SFMBT1: variants seen among roughly 807,000 people sequenced by gnomAD.
SFMBT1 encodes Scm like with four mbt domains 1.
SFMBT1 carries 32 observed loss-of-function variants against 108.7 expected under a neutral mutation model. The ratio of observed to expected loss-of-function variants is 0.29; its 90% confidence interval spans 0.22 to 0.40. The LOEUF (loss-of-function observed/expected upper bound fraction) is 0.40, where lower values mean the gene tolerates loss of function less well. SFMBT1 is among the 10% of genes least tolerant of loss of function. The pLI is 1.00. For synonymous variants in SFMBT1, 348 were observed against 369.5 expected (o/e 0.94, Z 0.67); for missense variants, 816 against 1,059.6 (o/e 0.77, Z 3.19).
chr3:52,984,269 A>C (rs1237109278), intron 1 of SFMBT1, among the ~76,000 whole-genome samples: 1 of 152,170 alleles, frequency 6.6e-6, no homozygotes, highest in East Asian at 1.9e-4. Context: ...TTTCAGGAAA[A>C]TGTTTTCAAT....
At chr3:52,926,219 T>G in intron 9 of SFMBT1, 106 bp from the exon 10 acceptor site, 2 of 909,550 alleles carry the variant, frequency 2.2e-6, no homozygotes, top group Admixed American at 2.7e-5. Flanking sequence ...GATGCTAGTC[T>G]GACAACTTTG....
intron 14 of SFMBT1, 22 bp from the exon 15 acceptor site, chr3:52,913,639 A>T (rs1702267806): frequency 6.2e-7 from 1 of 1,612,378 alleles, no homozygotes; most frequent in Non-Finnish European, 8.5e-7. Context: ...AGAAAAACAA[A>T]TATTCAAAAC....
chr3:52,965,395 T>C lies in SFMBT1; in HGVS notation c.28+3706A>G, dbSNP rs563220326. ...GATAAGCTTAAACCCAAAAAATATA[T>C]ACACCAGACTCAAACTTCCAAAAAC... On this transcript the variant is annotated intron_variant, in intron 2 of 20. Transcript: ENST00000394752. Among the ~76,000 whole-genome samples the C allele has an allele frequency of 4.9e-5, 7 of 142,824 alleles. No homozygotes were observed. The South Asian group carries it at 1.6e-3, about 32-fold the overall frequency. 93.7% of individuals were successfully genotyped at this position (142,824 alleles called of 152,430 possible).
intron 1 of SFMBT1, among the ~76,000 whole-genome samples, chr3:53,012,265 G>A (rs1411993124): frequency 6.6e-6 from 1 of 152,226 alleles, no homozygotes; most frequent in Non-Finnish European, 1.5e-5. Context: ...CCGAGGCTAC[G>A]ATGTGGGTGG....
chr3:52,949,706 A>G (rs1703505075), intron 3 of SFMBT1, among the ~76,000 whole-genome samples: 1 of 148,588 alleles, frequency 6.7e-6, no homozygotes, highest in African/African-American at 2.5e-5. Context: ...AGCCTTCCTG[A>G]GTAGCTGGGA....
intron 3 of SFMBT1, among the ~76,000 whole-genome samples, chr3:52,944,668 C>T (rs146381106): frequency 0.026 from 3,931 of 152,102 alleles, 184 homozygotes; most frequent in African/African-American, 0.09. Context: ...TACAGGCGCC[C>T]GCCACAACAT....
intron 17 of SFMBT1, among the ~76,000 whole-genome samples, chr3:52,909,952 G>A (rs1702176722): frequency 1.3e-5 from 2 of 152,098 alleles, no homozygotes; most frequent in African/African-American, 4.8e-5. Flanking sequence ...CTGCTCTTCA[G>A]AGACACTAAG....
chr3:52,913,325 A>C (rs1044095075), intron 15 of SFMBT1, among the ~76,000 whole-genome samples, 153 bp downstream of exon 15: 4 of 152,206 alleles, frequency 2.6e-5, no homozygotes, highest in African/African-American at 9.7e-5. Flanking sequence ...AAATAATTAC[A>C]TACCCTCTTC....
chr3:53,033,509 C>T (rs1240602844), intron 1 of SFMBT1, among the ~76,000 whole-genome samples: 2 of 152,022 alleles, frequency 1.3e-5, no homozygotes, highest in African/African-American at 2.4e-5. Context: ...TTACCCCCCT[C>T]AACTACAAGC....
intron 9 of SFMBT1, among the ~76,000 whole-genome samples, chr3:52,927,609 A>AT (rs1702696463): frequency 6.6e-6 from 1 of 152,212 alleles, no homozygotes; most frequent in African/African-American, 2.4e-5. Context: ...CAACTAACCC[A>AT]TTAATTAAGG....
Position 52,907,186 on chromosome 3 carries a change from G to A in SFMBT1, c.2214C>T (p.Ser738=), listed in dbSNP as rs2106757208. 1 of 1,614,082 alleles carries A rather than the reference G, an allele frequency of 6.2e-7. No homozygotes were observed. The highest frequency in any genetic ancestry group is 8.5e-7 in the Non-Finnish European group (1 of 1,180,014). Residue 738 remains serine (S), a synonymous_variant, in exon 19 of 21, where the codon TCC becomes TCT. Coordinates refer to ENST00000394752, the MANE Select transcript of SFMBT1 (RefSeq NM_016329.4). ...ATATCTCACTTTGGGTGGGAGAAGA[G>A]GAGCATGACTTTTTTTCTGACATTT... The part of the protein sequence containing the change: ...ESEMSEKKSC[S]SSPTQSEIST...
intron 11 of SFMBT1, 39 bp from the exon 12 acceptor site, chr3:52,920,689 A>C: frequency 7.6e-7 from 1 of 1,317,940 alleles, no homozygotes; most frequent in Non-Finnish European, 1.1e-6. Flanking sequence ...AAACAAACAA[A>C]CCTTTTTTTA....
chr3:53,008,755 C>A (rs1698837497), intron 1 of SFMBT1, among the ~76,000 whole-genome samples: 1 of 151,798 alleles, frequency 6.6e-6, no homozygotes, highest in African/African-American at 2.4e-5. Flanking sequence ...CTGCCTCAGC[C>A]TCCCGAGTAG....
intron 1 of SFMBT1, among the ~76,000 whole-genome samples, chr3:53,021,242 G>C (rs1313961979): frequency 6.6e-6 from 1 of 152,188 alleles, no homozygotes; most frequent in African/African-American, 2.4e-5. Flanking sequence ...GGAGTAACTA[G>C]TATGTACCTA....
intron 8 of SFMBT1, chr3:52,928,609 C>CATATATACATATATATACAT (rs1559513922): frequency 5.3e-5 from 4 of 75,536 alleles, no homozygotes; most frequent in African/African-American, 1.6e-4. Flanking sequence ...TACATATATA[C>CATATATACATATATATACAT]ATATATATAC....
At chr3:53,037,800 C>T (rs572462231) in intron 1 of SFMBT1, among the ~76,000 whole-genome samples, 1 of 152,224 alleles carries the variant, frequency 6.6e-6, no homozygotes, top group Non-Finnish European at 1.5e-5. Context: ...CACTGAGAGA[C>T]CCCATCTCTA....
chr3:53,012,934 G>A (rs1483814767), intron 1 of SFMBT1, among the ~76,000 whole-genome samples: 4 of 151,508 alleles, frequency 2.6e-5, no homozygotes, highest in Non-Finnish European at 5.9e-5. Context: ...CTGCTTTATA[G>A]TTGAAAAGCT....
chr3:52,972,520 T>C (rs2106864681), intron 1 of SFMBT1, among the ~76,000 whole-genome samples: 1 of 152,286 alleles, frequency 6.6e-6, no homozygotes, highest in South Asian at 2.1e-4. Context: ...TTCCTTTATT[T>C]CCTGTTCATA....
At chr3:52,943,300 A>C in intron 4 of SFMBT1, 53 bp downstream of exon 4, 2 of 1,610,994 alleles carry the variant, frequency 1.2e-6, no homozygotes, top group Non-Finnish European at 1.7e-6. Context: ...TGGACAATCC[A>C]AATTTTCTTA....
Sources: gnomAD v4.1 joint callset for allele counts (sites outside exome capture counted in the v4.1 genomes callset) on GRCh38, gnomAD v4.1.1 for gene constraint, MANE v1.5 for transcripts, NCBI Gene and HGNC (gene_info 2026-07-23, HGNC 2026-07-21) for gene names.